NEK6: variants seen among roughly 807,000 people sequenced by gnomAD.
NEK6 encodes serine/threonine-protein kinase Nek6.
NEK6 carries 27 observed loss-of-function variants against 43.5 expected under a neutral mutation model. The observed-to-expected ratio is 0.62, with a 90% CI of 0.46 to 0.86. The LOEUF (loss-of-function observed/expected upper bound fraction) is 0.86, where lower values mean the gene tolerates loss of function less well. Among genes scored for constraint, NEK6 ranks in the 40% least tolerant of loss-of-function variants. NEK6 has a pLI of 0.00. For synonymous variants in NEK6, 167 were observed against 164.1 expected (o/e 1.02, Z -0.14); for missense variants, 318 against 414.4 (o/e 0.77, Z 2.02).
chr9:124,338,949 CCGA>C (rs201708615), intron 7 of NEK6, among the ~76,000 whole-genome samples: 9 of 670 alleles, frequency 0.013, no homozygotes, highest in South Asian at 0.25. Context: ...CCCAGCCGGG[CCGA>C]GGAGGCATCC....
chr9:124,292,022 T>C, intron 1 of NEK6: 1 of 991,796 alleles, frequency 1.0e-6, no homozygotes, highest in Non-Finnish European at 1.2e-6. Context: ...CCCAGGCACC[T>C]CATGTCTGCC....
At chr9:124,323,559 C>T (rs902355444) in intron 5 of NEK6, among the ~76,000 whole-genome samples, 2 of 152,258 alleles carry the variant, frequency 1.3e-5, no homozygotes, top group African/African-American at 2.4e-5. Flanking sequence ...GAACGCAGCC[C>T]GTGGAGAGGA....
chr9:124,307,396 G>A (rs906595083), intron 2 of NEK6, among the ~76,000 whole-genome samples: 2 of 152,120 alleles, frequency 1.3e-5, no homozygotes, highest in East Asian at 1.9e-4. Flanking sequence ...GCGGTGGCTC[G>A]GGGACCTTGG....
rs1016944361 is a variant in NEK6 at position 124,321,548 on chromosome 9, G to A, written c.384G>A (p.Gly128=). 6.2e-6 allele frequency: 10 copies of A among 1,612,910 alleles called. No homozygotes were observed. The highest frequency in any genetic ancestry group is 4.4e-5 in the South Asian group (4 of 91,070). The change falls in exon 5 of 10, where the codon GGG becomes GGA. Residue 128 remains glycine (G), a synonymous_variant. Transcript: ENST00000320246. ...TTGTGCTGGAGTTGGCTGACGCAGG[G>A]GACCTCTCGCAGATGATCAAGGTGA... ...LNIVLELADA[G]DLSQMIKYFK...
chr9:124,328,653 C>T (rs1175891149), intron 7 of NEK6, among the ~76,000 whole-genome samples: 1 of 152,252 alleles, frequency 6.6e-6, no homozygotes, highest in Non-Finnish European at 1.5e-5. Flanking sequence ...GCAGCATTGT[C>T]TGGGCGGAGG....
Position 124,326,523 on chromosome 9 carries a change from G to C in NEK6, c.514+85G>C, listed in dbSNP as rs1834347157. 9.8e-7 allele frequency: 1 copy of C among 1,023,782 alleles called. No individual in the cohort carries two copies. Among genetic ancestry groups the C allele is most frequent in the Non-Finnish European group, 1.5e-6 (1 of 665,516 alleles). The allele number at this position is 1,023,782 out of a possible 1,614,324, so 63.4% of individuals were successfully genotyped here. A position where few individuals can be genotyped will look rare whatever the true frequency, so the allele number is the denominator to read the frequency against. On this transcript the variant is annotated intron_variant, in intron 6 of 9. Coordinates refer to ENST00000320246, the MANE Select transcript of NEK6 (RefSeq NM_014397.6). The surrounding 1 kb of genome is among the most constrained non-coding windows in gnomAD (Gnocchi z 4.5). The stretch of plus-strand genomic sequence containing the variant: ...CATGGCTCCTCCAGGGTCCTCAGGG[G>C]CAGCCCCTTGAGGAAGTTGGACCGC...
At chr9:124,346,765 G>C (rs1564665781) in intron 8 of NEK6, among the ~76,000 whole-genome samples, 1 of 152,198 alleles carries the variant, frequency 6.6e-6, no homozygotes, top group Non-Finnish European at 1.5e-5. Flanking sequence ...TGAGTGGTGG[G>C]GCAGCCTGGC....
rs1382511537 is a variant in NEK6 at position 124,301,994 on chromosome 9, T to C, written c.30T>C (p.His10=). MAGQPGHMP[H]GGSSNNLCHT... ...CAGGACAGCCCGGCCACATGCCCCATGGAGGGAGTTCCAACAACCTCTGCC... is the reference window on the plus strand; with the variant it reads ...CAGGACAGCCCGGCCACATGCCCCACGGAGGGAGTTCCAACAACCTCTGCC... The change falls in exon 2 of 10, where the codon CAT becomes CAC. Residue 10 remains histidine, a synonymous_variant. Transcript: ENST00000320246. 7 of 1,604,960 alleles carry C rather than the reference T, an allele frequency of 4.4e-6. No homozygotes were observed. The highest frequency in any genetic ancestry group is 6.0e-6 in the Non-Finnish European group (7 of 1,175,856).
intron 1 of NEK6, among the ~76,000 whole-genome samples, chr9:124,278,476 A>G (rs1161809505): frequency 6.6e-6 from 1 of 152,272 alleles, no homozygotes; most frequent in South Asian, 2.1e-4. Context: ...GAAGTTGCTC[A>G]AGAAGATGAG....
intron 7 of NEK6, among the ~76,000 whole-genome samples, chr9:124,339,019 A>ATT (rs538411121): frequency 3.2e-5 from 2 of 61,784 alleles, no homozygotes; most frequent in African/African-American, 1.3e-4. Context: ...CCCCATCCTG[A>ATT]TTTTTTTTTT....
chr9:124,333,320 C>T, intron 7 of NEK6, among the ~76,000 whole-genome samples: 1 of 152,224 alleles, frequency 6.6e-6, no homozygotes, highest in Non-Finnish European at 1.5e-5. Flanking sequence ...GCTGTATCTG[C>T]TCCTGTAGCT....
intron 4 of NEK6, among the ~76,000 whole-genome samples, chr9:124,315,649 G>A (rs1244620286): frequency 2.6e-5 from 4 of 152,206 alleles, no homozygotes; most frequent in African/African-American, 9.7e-5. Context: ...CTCCCCGAGT[G>A]AAGGAACCCA....
chr9:124,310,382 C>G (rs1833470069), intron 2 of NEK6, among the ~76,000 whole-genome samples: 1 of 152,216 alleles, frequency 6.6e-6, no homozygotes, highest in Non-Finnish European at 1.5e-5. Flanking sequence ...ACCCGACAGA[C>G]ATTGGCACAT....
At chr9:124,345,963 G>A (rs1279867959) in intron 8 of NEK6, among the ~76,000 whole-genome samples, 1 of 152,188 alleles carries the variant, frequency 6.6e-6, no homozygotes, top group Non-Finnish European at 1.5e-5. Flanking sequence ...AAATGGGCAG[G>A]GCCTCTGCAT....
chr9:124,258,651 A>T (rs1324588899), intron 1 of NEK6, among the ~76,000 whole-genome samples: 1 of 152,216 alleles, frequency 6.6e-6, no homozygotes, highest in Non-Finnish European at 1.5e-5. Flanking sequence ...AGGCCTTTGC[A>T]CAGTGATGGC....
intron 1 of NEK6, among the ~76,000 whole-genome samples, chr9:124,267,265 C>T (rs755952127): frequency 7.9e-5 from 12 of 152,358 alleles, no homozygotes; most frequent in Non-Finnish European, 1.3e-4. Flanking sequence ...GGGCCACCAG[C>T]GTGGGTGCCC....
chr9:124,295,165 T>C (rs769938558), intron 1 of NEK6, among the ~76,000 whole-genome samples: 8 of 152,240 alleles, frequency 5.3e-5, no homozygotes, highest in Non-Finnish European at 1.2e-4. Flanking sequence ...GAGTGGCTCA[T>C]GGTCCTGCAT....
At chr9:124,262,192 C>T (rs1451142502) in intron 1 of NEK6, among the ~76,000 whole-genome samples, 2 of 151,960 alleles carry the variant, frequency 1.3e-5, no homozygotes, top group East Asian at 3.9e-4. Flanking sequence ...TGGGTAATGG[C>T]AAGATAACTT....
At position 124,282,750 on chromosome 9, in the gene NEK6, T is replaced by A. The variant is rs1302534627; in HGVS notation, c.-29-19186T>A. The stretch of plus-strand genomic sequence containing the variant: ...GCCCCAAAGACAAGTGCTGAGTAGA[T>A]CTGGGTCTTCAGCACGATGTTTTTT... On this transcript the variant is annotated intron_variant, in intron 1 of 9. Coordinates refer to ENST00000320246, the MANE Select transcript of NEK6 (RefSeq NM_014397.6). 3.3e-5 allele frequency among the ~76,000 whole-genome samples: 5 copies of A among 152,210 alleles called. No individual in the cohort carries two copies. The South Asian group carries it at 8.3e-4, about 25-fold the overall frequency.
Sources: gnomAD v4.1 joint callset for allele counts (sites outside exome capture counted in the v4.1 genomes callset) on GRCh38, gnomAD v4.1.1 for gene constraint, Gnocchi (gnomAD v3.1) non-coding constraint, MANE v1.5 for transcripts, NCBI Gene and HGNC (gene_info 2026-07-23, HGNC 2026-07-21) for gene names.